The following VCL variants were observed in gnomAD, a reference collection of about 807,000 sequenced individuals.
VCL encodes the protein epididymis luminal protein 114.
Under a neutral mutation model 125.7 loss-of-function variants are expected in VCL, and 47 were observed. That is an observed-to-expected ratio of 0.37 (90% CI 0.30 to 0.48). The LOEUF is 0.48. Among genes scored for constraint, VCL ranks in the 20% least tolerant of loss-of-function variants. The probability of loss-of-function intolerance (pLI) is 0.99; values close to 1 mark genes in which losing one functional copy is unlikely to be tolerated. For synonymous variants in VCL, 458 were observed against 514.6 expected, an observed-to-expected ratio of 0.89 and a Z score of 1.49; for missense variants, 1,069 against 1,455.5, an observed-to-expected ratio of 0.73 and a Z score of 4.32.
At chr10:74,099,599 G>A (rs1840019894) in intron 13 of VCL, among the ~76,000 whole-genome samples, 1 of 152,122 alleles carries the variant, frequency 6.6e-6, no homozygotes, top group Non-Finnish European at 1.5e-5. Flanking sequence ...CCTGTCTCAG[G>A]GTCTGGCACA....
chr10:74,114,555 A>C (rs1437990188), intron 20 of VCL, among the ~76,000 whole-genome samples, 168 bp downstream of exon 20: 3 of 151,672 alleles, frequency 2.0e-5, no homozygotes, highest in Non-Finnish European at 2.9e-5. Flanking sequence ...GGAAAAAAAC[A>C]AATGTACTGG....
chr10:74,022,723 G>A (rs1428001330), intron 1 of VCL, among the ~76,000 whole-genome samples: 5 of 149,714 alleles, frequency 3.3e-5, no homozygotes, highest in Non-Finnish European at 5.9e-5. Context: ...TGCAACCTCC[G>A]CCTTCCAGGT....
chr10:74,063,427 G>A (rs1841511231), intron 2 of VCL, among the ~76,000 whole-genome samples: 1 of 152,214 alleles, frequency 6.6e-6, no homozygotes, highest in African/African-American at 2.4e-5. Context: ...CTCTAGAAAA[G>A]ACTCTGTTTC....
chr10:74,043,946 A>G (rs1841146156), intron 2 of VCL, among the ~76,000 whole-genome samples: 1 of 151,494 alleles, frequency 6.6e-6, no homozygotes, highest in African/African-American at 2.4e-5. Flanking sequence ...TGTCTCTACT[A>G]AAAATATAAA....
intron 2 of VCL, among the ~76,000 whole-genome samples, chr10:74,051,603 C>T (rs1386487859): frequency 6.6e-6 from 1 of 152,162 alleles, no homozygotes; most frequent in Non-Finnish European, 1.5e-5. Flanking sequence ...GGATTCTAAC[C>T]CTGAACTGTT....
At chr10:74,060,756 ATCT>A (rs1381795619) in intron 2 of VCL, among the ~76,000 whole-genome samples, 2 of 151,964 alleles carry the variant, frequency 1.3e-5, no homozygotes, top group African/African-American at 4.8e-5. Flanking sequence ...CATACATTTA[ATCT>A]TCTTGGTTAG....
intron 21 of VCL, among the ~76,000 whole-genome samples, chr10:74,116,969 C>A (rs1840319756): frequency 6.6e-6 from 1 of 152,176 alleles, no homozygotes; most frequent in Admixed American, 6.5e-5. Context: ...TGATGTATGA[C>A]TTAAAAATAG....
At position 74,087,957 on chromosome 10, in the gene VCL, C is replaced by T. The variant is rs188030090; in HGVS notation, c.1023-1239C>T. On this transcript the variant is annotated intron_variant, in intron 8 of 21. Coordinates refer to ENST00000211998, the MANE Select transcript of VCL (RefSeq NM_014000.3). ...CATTGCAACCACTGCCTCCCAAGAT[C>T]GCGCCACTTCATTCCAGCCTGGAAA... Among the ~76,000 whole-genome samples, 512 of 152,230 alleles carry T rather than the reference C, an allele frequency of 3.4e-3. 2 individuals are homozygous for T. Among genetic ancestry groups the T allele is most frequent in the Non-Finnish European group, 5.7e-3 (391 of 68,006 alleles).
chr10:74,028,265 G>T lies in VCL; in HGVS notation c.169-14818G>T, dbSNP rs1023114649. Among the ~76,000 whole-genome samples the T allele has an allele frequency of 2.0e-5, 3 of 151,756 alleles. No homozygotes were observed. In the East Asian group the frequency reaches 5.8e-4, roughly 29 times the overall value. On this transcript the variant is annotated intron_variant, in intron 1 of 21. Transcript: ENST00000211998. ...TAATTTTTTATTTTTTTTATTTTTTGTAGAGACAGGGTCTTGCTATGTTGC... is the reference window on the plus strand; with the variant it reads ...TAATTTTTTATTTTTTTTATTTTTTTTAGAGACAGGGTCTTGCTATGTTGC...
At chr10:74,048,403 G>T (rs192973259) in intron 2 of VCL, among the ~76,000 whole-genome samples, 1 of 151,828 alleles carries the variant, frequency 6.6e-6, no homozygotes, top group East Asian at 1.9e-4. Flanking sequence ...AGGTGGTGGA[G>T]GTTGCAGTGA....
At chr10:74,107,193 A>C (rs769255773) in intron 16 of VCL, 37 bp from the exon 17 acceptor site, 15 of 1,613,990 alleles carry the variant, frequency 9.3e-6, no homozygotes, top group Non-Finnish European at 1.3e-5. Flanking sequence ...TGGGGCACTG[A>C]CCCACCCAGC....
At position 74,070,742 on chromosome 10, in the gene VCL, T is replaced by A; in HGVS notation, c.312T>A (p.Ala104=). The change falls in exon 3 of 22, where the codon GCT becomes GCA. Residue 104 remains alanine, a synonymous_variant. Coordinates refer to ENST00000211998, the MANE Select transcript of VCL (RefSeq NM_014000.3). The stretch of plus-strand genomic sequence containing the variant: ...AGTCAGACCCTTACTCAGTGCCTGC[T>A]CGAGATTATCTAATTGATGGGTCAA... ...MLQSDPYSVP[A]RDYLIDGSRG... 1 of 1,614,158 alleles carries A rather than the reference T, an allele frequency of 6.2e-7. No individual in the cohort carries two copies. Among genetic ancestry groups the A allele is most frequent in the Non-Finnish European group, 8.5e-7 (1 of 1,180,018 alleles).
At chr10:74,021,235 A>G (rs1840660252) in intron 1 of VCL, among the ~76,000 whole-genome samples, 1 of 151,896 alleles carries the variant, frequency 6.6e-6, no homozygotes, top group East Asian at 1.9e-4. Flanking sequence ...ATATTTGACT[A>G]TGGTTGTTAT....
rs117667111 is a variant in VCL at position 74,089,777 on chromosome 10, G to A, written c.1177-246G>A. Among the ~76,000 whole-genome samples the A allele has an allele frequency of 6.8e-3, 1,042 of 152,266 alleles. 7 individuals carry two copies. The highest frequency in any genetic ancestry group is 0.014 in the Admixed American group (209 of 15,302). ...GGAACTGAGGAACTAATAAGGTGTG[G>A]TTAATTCAGAGATGAGATAAAGCTT... On this transcript the variant is annotated intron_variant, in intron 9 of 21. Coordinates refer to ENST00000211998, the MANE Select transcript of VCL (RefSeq NM_014000.3).
chr10:74,018,691 A>G (rs1257119090), intron 1 of VCL, among the ~76,000 whole-genome samples: 1 of 152,182 alleles, frequency 6.6e-6, no homozygotes, highest in Non-Finnish European at 1.5e-5. Context: ...AGTTAAAAAA[A>G]ACAAAACTAA....
chr10:74,031,684 C>T (rs1273696414), intron 1 of VCL, among the ~76,000 whole-genome samples: 1 of 152,166 alleles, frequency 6.6e-6, no homozygotes, highest in Non-Finnish European at 1.5e-5. Context: ...CTTTGGGAGG[C>T]CCCGCAGGCA....
chr10:74,018,019 C>T (rs1173969840), intron 1 of VCL, among the ~76,000 whole-genome samples: 1 of 149,126 alleles, frequency 6.7e-6, no homozygotes, highest in Non-Finnish European at 1.5e-5. Flanking sequence ...ATTAACTAGG[C>T]GTGGTGGTGT....
rs549359760 is a variant in VCL, at chr10:74,062,382, T to C, written c.240-8288T>C. 1.7e-4 allele frequency among the ~76,000 whole-genome samples: 25 copies of C among 149,978 alleles called. No homozygotes were observed. In the South Asian group the frequency reaches 5.4e-3, roughly 32 times the overall value. On this transcript the variant is annotated intron_variant, in intron 2 of 21. Coordinates refer to ENST00000211998, the MANE Select transcript of VCL (RefSeq NM_014000.3). The stretch of plus-strand genomic sequence containing the variant: ...GCCTGGCCTGATTTTTTTTTTTTTT[T>C]TTTTGTAGAGATGGAGTCTTGCTAT...
chr10:74,080,215 C>CTCTG (rs369305441), intron 6 of VCL, among the ~76,000 whole-genome samples: 11 of 152,200 alleles, frequency 7.2e-5, no homozygotes, highest in South Asian at 6.2e-4. Context: ...AGCTTATTTT[C>CTCTG]TCTGCAGTAT....
Sources: gnomAD v4.1 joint callset for allele counts (sites outside exome capture counted in the v4.1 genomes callset) on GRCh38, gnomAD v4.1.1 for gene constraint, MANE v1.5 for transcripts, NCBI Gene and HGNC (gene_info 2026-07-23, HGNC 2026-07-21) for gene names.